Variants in SNAP91 observed in about 807,000 individuals in gnomAD.
SNAP91 encodes synaptosome associated protein 91.
A neutral mutation model predicts 100.3 loss-of-function variants in SNAP91; 27 were observed. That is an observed-to-expected ratio of 0.27 (90% CI 0.20 to 0.37). SNAP91 has a LOEUF of 0.37. Ranked by LOEUF, SNAP91 falls within the 10% of genes least tolerant of loss-of-function variation. The probability of loss-of-function intolerance (pLI) is 1.00; values close to 1 mark genes in which losing one functional copy is unlikely to be tolerated. For missense variants in SNAP91, 986 were observed against 1,123.7 expected (o/e 0.88, Z 1.75); for synonymous variants, 404 against 398.6 (o/e 1.01, Z -0.16).
intron 6 of SNAP91, among the ~76,000 whole-genome samples, chr6:83,658,057 C>T (rs1322451947): frequency 1.3e-5 from 2 of 151,062 alleles, no homozygotes. Context: ...TTTGGGATTA[C>T]AGGCGTGAGC....
intron 7 of SNAP91, among the ~76,000 whole-genome samples, chr6:83,656,410 C>T (rs752173235): frequency 6.6e-6 from 1 of 151,978 alleles, no homozygotes; most frequent in Non-Finnish European, 1.5e-5. Flanking sequence ...ACTGCTGAGT[C>T]CTCAGTTGGC....
intron 4 of SNAP91, among the ~76,000 whole-genome samples, chr6:83,661,878 C>T (rs961355475): frequency 6.6e-6 from 1 of 152,114 alleles, no homozygotes; most frequent in African/African-American, 2.4e-5. Context: ...CAAATAATGG[C>T]CAGTTTCAGA....
At chr6:83,610,055 TCAAA>T (rs1303324288) in intron 12 of SNAP91, among the ~76,000 whole-genome samples, 2 of 152,100 alleles carry the variant, frequency 1.3e-5, no homozygotes, top group Non-Finnish European at 2.9e-5. Context: ...TTACCTTTCC[TCAAA>T]CAATTTAAAT....
intron 3 of SNAP91, among the ~76,000 whole-genome samples, chr6:83,664,868 G>A (rs1357027001): frequency 6.6e-6 from 1 of 152,046 alleles, no homozygotes; most frequent in Non-Finnish European, 1.5e-5. Flanking sequence ...AAACTTCACT[G>A]TTGTCTTATT....
chr6:83,638,091 C>G (rs1416229420), intron 8 of SNAP91, among the ~76,000 whole-genome samples: 1 of 152,080 alleles, frequency 6.6e-6, no homozygotes, highest in African/African-American at 2.4e-5. Flanking sequence ...ATGGTCCTGG[C>G]CAGTAGAGAA....
intron 10 of SNAP91, among the ~76,000 whole-genome samples, chr6:83,616,745 T>C (rs575463560): frequency 6.6e-6 from 1 of 152,270 alleles, no homozygotes; most frequent in African/African-American, 2.4e-5. Context: ...GTTCAGTTAA[T>C]GTAGGTACAA....
intron 9 of SNAP91, among the ~76,000 whole-genome samples, chr6:83,621,011 T>C (rs1441527179): frequency 6.6e-6 from 1 of 151,668 alleles, no homozygotes; most frequent in Non-Finnish European, 1.5e-5. Flanking sequence ...CCTGAACAGG[T>C]AATTTAAAAA....
chr6:83,667,099 A>G (rs975759691), intron 2 of SNAP91, among the ~76,000 whole-genome samples: 37 of 152,126 alleles, frequency 2.4e-4, no homozygotes, highest in Non-Finnish European at 1.3e-4. Flanking sequence ...CAGTGAACCA[A>G]TATTTTCCAA....
At chr6:83,680,321 T>C (rs1410425951) in intron 2 of SNAP91, among the ~76,000 whole-genome samples, 3 of 152,156 alleles carry the variant, frequency 2.0e-5, no homozygotes, top group Admixed American at 6.6e-5. Flanking sequence ...TATGGCAACG[T>C]CCCTCTTACC....
At chr6:83,707,651 T>C in intron 2 of SNAP91, 147 bp downstream of exon 2, 1 of 1,106,434 alleles carries the variant, frequency 9.0e-7, no homozygotes, top group South Asian at 1.5e-5. Context: ...AGGGAACACC[T>C]TCACAGCTGA....
intron 8 of SNAP91, among the ~76,000 whole-genome samples, chr6:83,634,435 G>A (rs1301321194): frequency 1.3e-5 from 2 of 152,196 alleles, no homozygotes; most frequent in Admixed American, 6.5e-5. Context: ...CATAGTATTT[G>A]GGGTGTCTTC....
chr6:83,672,551 G>A (rs535607838), intron 2 of SNAP91, among the ~76,000 whole-genome samples: 5 of 152,088 alleles, frequency 3.3e-5, no homozygotes, highest in Admixed American at 2.0e-4. Flanking sequence ...GTCTCTCCCC[G>A]ACTGGAGCTC....
chr6:83,582,429 A>G (rs1829825660), intron 22 of SNAP91, 73 bp from the exon 23 acceptor site: 9 of 1,423,076 alleles, frequency 6.3e-6, no homozygotes, highest in African/African-American at 1.5e-5. Flanking sequence ...CTGAATTTAA[A>G]AAGTTATAGA....
chr6:83,647,078 G>GTTTT (rs34565370), intron 7 of SNAP91, among the ~76,000 whole-genome samples: 2 of 145,926 alleles, frequency 1.4e-5, no homozygotes, highest in Non-Finnish European at 1.5e-5. Flanking sequence ...AGTTCCAGGA[G>GTTTT]TTTTTTTTTT....
chr6:83,606,298 A>C (rs1300454656), intron 13 of SNAP91, among the ~76,000 whole-genome samples: 1 of 152,210 alleles, frequency 6.6e-6, no homozygotes, highest in Non-Finnish European at 1.5e-5. Flanking sequence ...GGAATTATTA[A>C]CCACTAATTT....
intron 17 of SNAP91, among the ~76,000 whole-genome samples, chr6:83,593,984 A>C (rs2094155602): frequency 6.6e-6 from 1 of 152,240 alleles, no homozygotes; most frequent in South Asian, 2.1e-4. Context: ...AAGTGCCGTA[A>C]GATTAACCTA....
chr6:83,598,181 A>T (rs1377070611), intron 16 of SNAP91, among the ~76,000 whole-genome samples: 1 of 152,086 alleles, frequency 6.6e-6, no homozygotes. Flanking sequence ...ATTTTTAAGG[A>T]TTTTGCCTTT....
chr6:83,606,163 C>T (rs2095600722), intron 13 of SNAP91, among the ~76,000 whole-genome samples: 2 of 152,150 alleles, frequency 1.3e-5, no homozygotes, highest in Non-Finnish European at 2.9e-5. Flanking sequence ...CTATGTGCAG[C>T]ATTCTACAGG....
Position 83,574,932 on chromosome 6 carries a change from T to G in SNAP91, c.2442+78A>C, listed in dbSNP as rs1815645317. ...ATAAGTACACCGTCGGCAGCAAAGT[T>G]AGCAAAATGCACGCTACTTTACACA... is the stretch of plus-strand genomic sequence containing the variant. On this transcript the variant is annotated intron_variant, in intron 26 of 29. Transcript: ENST00000369694. The G allele has an allele frequency of 1.4e-5, 13 of 901,868 alleles. No homozygotes were observed. In the South Asian group the frequency reaches 2.0e-4, roughly 14 times the overall value. 55.9% of individuals were successfully genotyped at this position (901,868 alleles called of 1,614,324 possible).
Sources: gnomAD v4.1 joint callset for allele counts (sites outside exome capture counted in the v4.1 genomes callset) on GRCh38, gnomAD v4.1.1 for gene constraint, MANE v1.5 for transcripts, NCBI Gene and HGNC (gene_info 2026-07-23, HGNC 2026-07-21) for gene names.